HDAC4: variants seen among roughly 807,000 people sequenced by gnomAD.
HDAC4 encodes histone deacetylase A.
A neutral mutation model predicts 135.1 loss-of-function variants in HDAC4; 16 were observed. The ratio of observed to expected loss-of-function variants is 0.12; its 90% CI spans 0.08 to 0.18. The LOEUF (loss-of-function observed/expected upper bound fraction) is 0.18. Among genes scored for constraint, HDAC4 ranks in the 10% least tolerant of loss-of-function variants. HDAC4 has a pLI of 1.00. For synonymous variants in HDAC4, 685 were observed against 653.4 expected, an observed-to-expected ratio of 1.05 and a Z score of -0.74; for missense variants, 1,143 against 1,511.8, an observed-to-expected ratio of 0.76 and a Z score of 4.05.
intron 21 of HDAC4, 66 bp from the exon 22 acceptor site, chr2:239,081,258 T>C (rs1045597623): frequency 2.3e-5 from 31 of 1,360,598 alleles, no homozygotes; most frequent in Middle Eastern, 1.8e-4. Context: ...CAGGAACGCC[T>C]GATGCAGGTG....
intron 3 of HDAC4, among the ~76,000 whole-genome samples, chr2:239,210,451 T>A (rs1335453125): frequency 2.0e-5 from 3 of 152,208 alleles, no homozygotes; most frequent in African/African-American, 7.2e-5. Context: ...AAAACTAGTT[T>A]TTTAAAGAAA....
At chr2:239,380,658 C>T (rs60216399) in intron 1 of HDAC4, among the ~76,000 whole-genome samples, 5 of 152,322 alleles carry the variant, frequency 3.3e-5, no homozygotes, top group South Asian at 2.1e-4. Flanking sequence ...GAACTGTACA[C>T]TAACAAATGG....
Position 239,352,582 on chromosome 2 carries a change from T to C in HDAC4, c.22+96A>G. On this transcript the variant is annotated intron_variant, in intron 2 of 26. Transcript: ENST00000543185. The surrounding 1 kb of genome is among the most constrained non-coding windows in gnomAD (Gnocchi z 4.4). Reference sequence around the variant, plus strand: ...TGACCACTATCAAGAAAAACAAAAGTCTCAAATCCAGAAAGCAAGCTGCAG... The same window carrying C: ...TGACCACTATCAAGAAAAACAAAAGCCTCAAATCCAGAAAGCAAGCTGCAG... The C allele has an allele frequency of 8.2e-7, 1 of 1,219,436 alleles. No homozygotes were observed. Among genetic ancestry groups the C allele is most frequent in the Non-Finnish European group, 1.2e-6 (1 of 844,748 alleles). The allele number at this position is 1,219,436 out of a possible 1,614,324, so 75.5% of individuals were successfully genotyped here. A position where few individuals can be genotyped will look rare whatever the true frequency, so the allele number is the denominator to read the frequency against.
rs776314282 is a variant in HDAC4, at chr2:239,053,556, C to T, written c.3134G>A (p.Arg1045His). ...CLQRTTSTAG[R>H]SLIEAQTCEN... ...GCAAGTCTGAGCCTCGATCAGAGAA[C>T]GCCCCGCTGTGGAGGTTGTGCGCTG... is the stretch of plus-strand genomic sequence containing the variant. The change falls in exon 26 of 27, where the codon CGT becomes CAT. Residue 1045 changes from arginine (R) to histidine (H), a missense_variant. Transcript: ENST00000543185. The T allele has an allele frequency of 1.3e-5, 21 of 1,613,814 alleles. No homozygotes were observed. In the Admixed American group the frequency reaches 2.5e-4, roughly 19 times the overall value.
chr2:239,282,315 ACAC>A (rs2050827598), intron 2 of HDAC4, among the ~76,000 whole-genome samples: 2 of 147,582 alleles, frequency 1.4e-5, no homozygotes, highest in Non-Finnish European at 3.0e-5. Flanking sequence ...CACAATGTAC[ACAC>A]CACTCTACAA....
rs780036621 is a variant in HDAC4 at position 239,352,701 on chromosome 2, G to A, written c.-2C>T. ...ACCTGGATGGCTTTGGGAGCTCATT[G>A]CTAGCAATGTCCACTCCTTTAAGTG... On this transcript the variant is annotated 5_prime_UTR_variant, in exon 2 of 27. Coordinates refer to ENST00000543185, the MANE Select transcript of HDAC4 (RefSeq NM_001378414.1). The surrounding 1 kb of genome is among the most constrained non-coding windows in gnomAD (Gnocchi z 4.4). 8.3e-6 allele frequency: 13 copies of A among 1,557,668 alleles called. No individual in the cohort carries two copies. Among genetic ancestry groups the A allele is most frequent in the Non-Finnish European group, 1.1e-5 (13 of 1,149,508 alleles).
chr2:239,211,661 T>C (rs889524716), intron 3 of HDAC4, among the ~76,000 whole-genome samples: 31 of 152,204 alleles, frequency 2.0e-4, no homozygotes, highest in African/African-American at 7.5e-4. Flanking sequence ...AACCCAATGA[T>C]TCAAAAGCTG....
At chr2:239,171,068 G>A (rs764628939) in intron 5 of HDAC4, among the ~76,000 whole-genome samples, 6 of 149,156 alleles carry the variant, frequency 4.0e-5, no homozygotes, top group African/African-American at 1.2e-4. Flanking sequence ...AAGTCCACTC[G>A]AAAAGAATGT....
At chr2:239,135,141 C>T (rs1575148274) in intron 9 of HDAC4, among the ~76,000 whole-genome samples, 1 of 152,172 alleles carries the variant, frequency 6.6e-6, no homozygotes, top group African/African-American at 2.4e-5. Context: ...AGGATAAGCA[C>T]CGGAGAGGAT....
chr2:239,066,107 G>C (rs2033442466), intron 24 of HDAC4, among the ~76,000 whole-genome samples: 1 of 151,532 alleles, frequency 6.6e-6, no homozygotes, highest in Non-Finnish European at 1.5e-5. Flanking sequence ...GCGTCATGCT[G>C]GAATGGAACG....
At chr2:239,280,697 G>A (rs989350907) in intron 2 of HDAC4, among the ~76,000 whole-genome samples, 1 of 151,972 alleles carries the variant, frequency 6.6e-6, no homozygotes, top group Non-Finnish European at 1.5e-5. Context: ...CTGTTAACAG[G>A]GGATGGCAAA....
chr2:239,252,060 C>T (rs2048811030), intron 2 of HDAC4, among the ~76,000 whole-genome samples: 1 of 152,208 alleles, frequency 6.6e-6, no homozygotes, highest in South Asian at 2.1e-4. Flanking sequence ...AAGCGACTTG[C>T]TGTTGGATGT....
chr2:239,066,544 G>A (rs1040277635), intron 24 of HDAC4, among the ~76,000 whole-genome samples, 178 bp downstream of exon 24: 2 of 152,124 alleles, frequency 1.3e-5, no homozygotes, highest in Non-Finnish European at 2.9e-5. Flanking sequence ...CCATCGTCAC[G>A]GTTCTGCCAC....
Position 239,050,281 on chromosome 2 carries a change from T to C in HDAC4, c.*2816A>G, listed in dbSNP as rs972246759. The C allele has an allele frequency of 2.6e-5, 4 of 152,104 alleles. 1 individual carries two copies. Among genetic ancestry groups the C allele is most frequent in the Admixed American group, 2.0e-4 (3 of 15,278 alleles). 9.4% of individuals were successfully genotyped at this position (152,104 alleles called of 1,614,324 possible). On this transcript the variant is annotated 3_prime_UTR_variant, in exon 27 of 27. Coordinates refer to ENST00000543185, the MANE Select transcript of HDAC4 (RefSeq NM_001378414.1). ...GATAACCTGGCCACTGAGCAGTCCA[T>C]GTTATCCCATCATCTGCTTAAAAAA...
At chr2:239,196,054 A>C (rs2045357824) in intron 3 of HDAC4, among the ~76,000 whole-genome samples, 1 of 152,206 alleles carries the variant, frequency 6.6e-6, no homozygotes, top group South Asian at 2.1e-4. Context: ...GGGTCTCTTC[A>C]AGTAAAGAAT....
At chr2:239,360,279 G>T (rs781770900) in intron 1 of HDAC4, among the ~76,000 whole-genome samples, 1 of 152,212 alleles carries the variant, frequency 6.6e-6, no homozygotes, top group African/African-American at 2.4e-5. Context: ...ACCAGAGGGG[G>T]AAATAGGACA....
chr2:239,146,390 G>C lies in HDAC4; in HGVS notation c.734-1676C>G, dbSNP rs867831892. On this transcript the variant is annotated intron_variant, in intron 7 of 26. Transcript: ENST00000543185. The surrounding 1 kb of genome is among the most constrained non-coding windows in gnomAD (Gnocchi z 4.5). ...CACTTCTGAGAGGCAGGGGCTGTGT[G>C]TGCCCACAGAAGAGCACAGGGTCCC... Among the ~76,000 whole-genome samples, 3 of 152,224 alleles carry C rather than the reference G, an allele frequency of 2.0e-5. No individual in the cohort carries two copies. Among genetic ancestry groups the C allele is most frequent in the Non-Finnish European group, 4.4e-5 (3 of 68,034 alleles).
chr2:239,366,674 C>T (rs1164736381), intron 1 of HDAC4, among the ~76,000 whole-genome samples: 1 of 152,106 alleles, frequency 6.6e-6, no homozygotes, highest in Non-Finnish European at 1.5e-5. Context: ...ACAGAAGGCC[C>T]AAGGATTTGA....
intron 3 of HDAC4, among the ~76,000 whole-genome samples, chr2:239,202,248 G>C (rs555921921): frequency 6.6e-6 from 1 of 152,322 alleles, no homozygotes; most frequent in East Asian, 1.9e-4. Context: ...CTGCAGGATG[G>C]TATTTGTCAG....
Sources: allele counts gnomAD v4.1 joint callset (sites outside exome capture counted in the v4.1 genomes callset), GRCh38; gene constraint gnomAD v4.1.1; non-coding constraint Gnocchi (gnomAD v3.1); transcripts MANE v1.5; gene names NCBI Gene and HGNC (gene_info 2026-07-23, HGNC 2026-07-21).